Variants in GTF3C1 observed in about 807,000 individuals in gnomAD.
GTF3C1 encodes general transcription factor 3C polypeptide 1.
Under a neutral mutation model 226.7 loss-of-function variants are expected in GTF3C1, and 57 were observed. That is an observed-to-expected ratio of 0.25 (90% confidence interval 0.20 to 0.31). The LOEUF (loss-of-function observed/expected upper bound fraction) is 0.31, where lower values mean the gene tolerates loss of function less well. Ranked by LOEUF, GTF3C1 falls within the 10% of genes least tolerant of loss-of-function variation. The pLI is 1.00. For missense variants in GTF3C1, 2,217 were observed against 2,776.1 expected, an observed-to-expected ratio of 0.80 and a Z score of 4.53; for synonymous variants, 1,090 against 1,084.8, an observed-to-expected ratio of 1.00 and a Z score of -0.09.
At chr16:27,466,997 A>C (rs1251365285) in intron 32 of GTF3C1, among the ~76,000 whole-genome samples, 1 of 152,252 alleles carries the variant, frequency 6.6e-6, no homozygotes, top group Non-Finnish European at 1.5e-5. Context: ...TAAAAGTAAA[A>C]GGTGAAGCAC....
At chr16:27,537,484 A>G (rs2089018911) in intron 4 of GTF3C1, among the ~76,000 whole-genome samples, 1 of 152,156 alleles carries the variant, frequency 6.6e-6, no homozygotes, top group Admixed American at 6.5e-5. Flanking sequence ...GTCATGGCTC[A>G]CTGCAGCCTC....
chr16:27,463,475 A>G lies in GTF3C1; in HGVS notation c.5924+66T>C. The G allele has an allele frequency of 1.1e-6, 1 of 905,138 alleles. No individual in the cohort carries two copies. The highest frequency in any genetic ancestry group is 1.3e-5 in the South Asian group (1 of 75,708). The allele number at this position is 905,138 out of a possible 1,614,324, so 56.1% of individuals were successfully genotyped here. ...AAAGACCCTCAAAGACCCTCACACA[A>G]ATCCTTACACTCGGTCCCTGTCAAG... On this transcript the variant is annotated intron_variant, in intron 35 of 36. Coordinates refer to ENST00000356183, the MANE Select transcript of GTF3C1 (RefSeq NM_001520.4). The surrounding 1 kb of genome is among the most constrained non-coding windows in gnomAD (Gnocchi z 4.9).
chr16:27,549,591 C>T, intron 1 of GTF3C1, 79 bp downstream of exon 1: 2 of 784,266 alleles, frequency 2.6e-6, no homozygotes, highest in South Asian at 3.4e-5. Flanking sequence ...CACTCCATTC[C>T]CCCGCCCTGC....
At chr16:27,540,485 A>G (rs2089065623) in intron 2 of GTF3C1, among the ~76,000 whole-genome samples, 1 of 152,342 alleles carries the variant, frequency 6.6e-6, no homozygotes, top group East Asian at 1.9e-4. Context: ...CTTCACTGAC[A>G]TGATCCCAAT....
intron 24 of GTF3C1, among the ~76,000 whole-genome samples, chr16:27,485,449 G>A (rs2088124886): frequency 1.3e-5 from 2 of 152,252 alleles, no homozygotes; most frequent in African/African-American, 4.8e-5. Context: ...AACAGAGAAT[G>A]AGCAGGGTAA....
intron 2 of GTF3C1, among the ~76,000 whole-genome samples, chr16:27,543,432 C>T (rs1451769859): frequency 6.6e-6 from 1 of 152,120 alleles, no homozygotes; most frequent in Non-Finnish European, 1.5e-5. Flanking sequence ...GCTCTATTGT[C>T]CAGACCGGAA....
chr16:27,506,019 C>T lies in GTF3C1; in HGVS notation c.1650G>A (p.Arg550=). The T allele has an allele frequency of 6.2e-7, 1 of 1,613,570 alleles. No homozygotes were observed. Among genetic ancestry groups the T allele is most frequent in the Admixed American group, 1.7e-5 (1 of 60,034 alleles). The change falls in exon 10 of 37, where the codon AGG becomes AGA. Residue 550 remains arginine (R), a synonymous_variant. Coordinates refer to ENST00000356183, the MANE Select transcript of GTF3C1 (RefSeq NM_001520.4). ...EERACQSLAS[R]DSLLDTSSVS... is the part of the protein sequence containing the mutation. ...CGCTGCTGGTATCTAAGAGGCTGTC[C>T]CTGCTGGCAAGGCTCTGGCAGGCTC...
At position 27,543,452 on chromosome 16, in the gene GTF3C1, G is replaced by A. The variant is rs574066936; in HGVS notation, c.431+1862C>T. On this transcript the variant is annotated intron_variant, in intron 2 of 36. Coordinates refer to ENST00000356183, the MANE Select transcript of GTF3C1 (RefSeq NM_001520.4). ...ATTGTCCAGACCGGAATGTGGTGGT[G>A]CAATCATAACTCACTGAAGCCTCAA... 4.6e-5 allele frequency among the ~76,000 whole-genome samples: 7 copies of A among 152,274 alleles called. No homozygotes were observed. The South Asian group carries it at 1.4e-3, about 32-fold the overall frequency.
rs76532043 is a variant in GTF3C1, at chr16:27,541,266, C to T, written c.432-2910G>A. Among the ~76,000 whole-genome samples the T allele has an allele frequency of 4.5e-3, 685 of 152,236 alleles. 7 individuals carry two copies. The highest frequency in any genetic ancestry group is 0.014 in the African/African-American group (589 of 41,540). On this transcript the variant is annotated intron_variant, in intron 2 of 36. Transcript: ENST00000356183. ...GCTCCTGGAGGTAAGAGGTGCAGCACGGCTACAAAGTCTGGAGTGTGGTAG... is the reference window on the plus strand; with the variant it reads ...GCTCCTGGAGGTAAGAGGTGCAGCATGGCTACAAAGTCTGGAGTGTGGTAG...
rs773664264 is a variant in GTF3C1, at chr16:27,481,181, T to C, written c.4094A>G (p.Asn1365Ser). ...CTTCTCCACAAATTCTTTAAACTCGTTGGCACAAACCTTTCAACATGAGAG... is the reference window on the plus strand; with the variant it reads ...CTTCTCCACAAATTCTTTAAACTCGCTGGCACAAACCTTTCAACATGAGAG... ...GDYDDPKVCANEFKEFVEKLK... is the reference protein window; with the variant it reads ...GDYDDPKVCASEFKEFVEKLK... Residue 1365 changes from asparagine to serine, a missense_variant, in exon 27 of 37, where the codon AAC becomes AGC. Around this residue, in one of 12 missense-constraint regions of GTF3C1, gnomAD observed 546 missense variants for 663.0 expected, o/e 0.82. Coordinates refer to ENST00000356183, the MANE Select transcript of GTF3C1 (RefSeq NM_001520.4). 4 of 1,614,146 alleles carry C rather than the reference T, an allele frequency of 2.5e-6. No homozygotes were observed. The highest frequency in any genetic ancestry group is 1.3e-5 in the African/African-American group (1 of 75,044).
intron 5 of GTF3C1, among the ~76,000 whole-genome samples, chr16:27,530,832 C>T (rs1021259688): frequency 1.3e-5 from 2 of 152,240 alleles, no homozygotes; most frequent in African/African-American, 2.4e-5. Context: ...GCGTCAGAAG[C>T]CTGCCTTTGC....
At chr16:27,493,824 AT>A (rs1227814184) in intron 16 of GTF3C1, among the ~76,000 whole-genome samples, 3 of 152,254 alleles carry the variant, frequency 2.0e-5, no homozygotes, top group Admixed American at 2.0e-4. Flanking sequence ...TAAGAATACT[AT>A]GACTCTACTT....
chr16:27,512,907 T>C (rs543393380), intron 6 of GTF3C1, among the ~76,000 whole-genome samples: 5 of 152,280 alleles, frequency 3.3e-5, no homozygotes, highest in South Asian at 4.1e-4. Context: ...GTCACGGTCA[T>C]AGGTCTCCAA....
intron 6 of GTF3C1, among the ~76,000 whole-genome samples, chr16:27,512,344 C>T (rs2088586209): frequency 6.6e-6 from 1 of 152,164 alleles, no homozygotes; most frequent in South Asian, 2.1e-4. Context: ...TAAGCTAATA[C>T]TCACTGCCAA....
intron 32 of GTF3C1, among the ~76,000 whole-genome samples, chr16:27,468,282 A>G (rs2087813224): frequency 6.6e-6 from 1 of 152,204 alleles, no homozygotes; most frequent in Non-Finnish European, 1.5e-5. Context: ...CCTGGTAAAG[A>G]CGCTGAGAAC....
intron 4 of GTF3C1, among the ~76,000 whole-genome samples, chr16:27,537,405 G>C (rs768387883): frequency 6.6e-6 from 1 of 152,014 alleles, no homozygotes; most frequent in Non-Finnish European, 1.5e-5. Flanking sequence ...ATTCTAATTT[G>C]GCTTCTATTA....
rs193164016 is a variant in GTF3C1 at position 27,497,730 on chromosome 16, G to A, written c.2257C>T (p.Leu753=). 6.8e-6 allele frequency: 11 copies of A among 1,613,666 alleles called. 1 individual carries two copies. In the Admixed American group the frequency reaches 1.0e-4, roughly 15 times the overall value. Reference sequence around the variant, plus strand: ...CTTTCTGATCTAGAGGAAGCACTCAGCTGAGAGTCCCCTGATCCACTTGGG... The same window carrying A: ...CTTTCTGATCTAGAGGAAGCACTCAACTGAGAGTCCCCTGATCCACTTGGG... ...EGPSGSGDSQ[L]SASSRSESGR... Residue 753 remains leucine (L), a synonymous_variant, in exon 14 of 37, where the codon CTG becomes TTG. Coordinates refer to ENST00000356183, the MANE Select transcript of GTF3C1 (RefSeq NM_001520.4).
At position 27,484,311 on chromosome 16, in the gene GTF3C1, A is replaced by G. The variant is rs1160535122; in HGVS notation, c.3901T>C (p.Leu1301=). 6.2e-7 allele frequency: 1 copy of G among 1,608,684 alleles called. No individual in the cohort carries two copies. The highest frequency in any genetic ancestry group is 2.2e-5 in the East Asian group (1 of 44,848). Reference sequence around the variant, plus strand: ...AAAGACTCTTCAAACGTGGCATGCAAAATGTCCCGTACCACCTGCCAGGTG... The same window carrying G: ...AAAGACTCTTCAAACGTGGCATGCAGAATGTCCCGTACCACCTGCCAGGTG... The part of the protein sequence containing the change: ...FVTWQVVRDI[L]HATFEESLDK... The change falls in exon 25 of 37, where the codon TTG becomes CTG. Residue 1301 remains leucine, a synonymous_variant. Transcript: ENST00000356183.
chr16:27,489,545 GA>G, intron 20 of GTF3C1, 56 bp downstream of exon 20: 1 of 1,422,010 alleles, frequency 7.0e-7, no homozygotes, highest in African/African-American at 1.4e-5. Context: ...GCAGGCATCT[GA>G]AATGAGCACC....
Sources: allele counts gnomAD v4.1 joint callset (sites outside exome capture counted in the v4.1 genomes callset), GRCh38; gene constraint gnomAD v4.1.1; regional missense constraint gnomAD v4.1.1; non-coding constraint Gnocchi (gnomAD v3.1); transcripts MANE v1.5; gene names NCBI Gene and HGNC (gene_info 2026-07-23, HGNC 2026-07-21).